The following OTUD7A variants were observed in gnomAD, a reference collection of about 807,000 sequenced individuals.
The protein encoded by OTUD7A is OTU domain-containing protein 7A.
Under a neutral mutation model 65.7 loss-of-function variants are expected in OTUD7A, and 12 were observed. The ratio of observed to expected loss-of-function variants is 0.18; its 90% CI spans 0.12 to 0.30. The LOEUF (loss-of-function observed/expected upper bound fraction) is 0.30, where lower values mean the gene tolerates loss of function less well. Among genes scored for constraint, OTUD7A ranks in the 10% least tolerant of loss-of-function variants. OTUD7A has a pLI of 1.00. For synonymous variants in OTUD7A, 641 were observed against 586.3 expected (o/e 1.09, Z -1.35); for missense variants, 1,148 against 1,304.8 (o/e 0.88, Z 1.85).
At chr15:31,646,711 G>A (rs1323791654) in intron 3 of OTUD7A, among the ~76,000 whole-genome samples, 1 of 152,062 alleles carries the variant, frequency 6.6e-6, no homozygotes, top group Non-Finnish European at 1.5e-5. Context: ...TGCCCGCCTT[G>A]GCCTCCCGAA....
At chr15:31,527,010 G>A (rs2042024126) in intron 7 of OTUD7A, among the ~76,000 whole-genome samples, 171 bp downstream of exon 7, 3 of 152,148 alleles carry the variant, frequency 2.0e-5, no homozygotes, top group Admixed American at 6.5e-5. Flanking sequence ...ATTTTAACAG[G>A]CTCCTCCTCT....
intron 1 of OTUD7A, among the ~76,000 whole-genome samples, chr15:31,707,934 A>G (rs1454681576): frequency 2.0e-5 from 3 of 152,110 alleles, no homozygotes; most frequent in South Asian, 4.1e-4. Flanking sequence ...TAAAACATAA[A>G]TATAATATAT....
Position 31,483,249 on chromosome 15 carries a change from A to G in OTUD7A, c.*45T>C. The G allele has an allele frequency of 9.4e-7, 1 of 1,064,196 alleles. No individual in the cohort carries two copies. Among genetic ancestry groups the G allele is most frequent in the Non-Finnish European group, 1.1e-6 (1 of 882,394 alleles). The allele number at this position is 1,064,196 out of a possible 1,614,324, so 65.9% of individuals were successfully genotyped here. On this transcript the variant is annotated 3_prime_UTR_variant, in exon 13 of 13. Coordinates refer to ENST00000307050, the MANE Select transcript of OTUD7A (RefSeq NM_001382637.1). ...AAAGACACCGACACAATGGAAAAGA[A>G]ATCCTCGAAGGTAGAACCTCGCCGC...
intron 1 of OTUD7A, among the ~76,000 whole-genome samples, chr15:31,815,678 G>T (rs1217649386): frequency 2.0e-5 from 3 of 152,210 alleles, no homozygotes; most frequent in Non-Finnish European, 4.4e-5. Context: ...AGTGGTGGCG[G>T]CAGGATGGAG....
At chr15:31,767,507 T>C (rs1204541794) in intron 1 of OTUD7A, 2 of 772,492 alleles carry the variant, frequency 2.6e-6, no homozygotes, top group East Asian at 4.9e-5. Flanking sequence ...CTGATTTGTT[T>C]TGTAGTATAA....
At chr15:31,790,664 T>C (rs2140936760) in intron 1 of OTUD7A, among the ~76,000 whole-genome samples, 1 of 152,314 alleles carries the variant, frequency 6.6e-6, no homozygotes, top group South Asian at 2.1e-4. Flanking sequence ...CACCCATTAA[T>C]GAGCTGCCTC....
At chr15:31,764,863 G>C (rs1215310129) in intron 1 of OTUD7A, among the ~76,000 whole-genome samples, 1 of 152,112 alleles carries the variant, frequency 6.6e-6, no homozygotes, top group East Asian at 1.9e-4. Flanking sequence ...CATCATCATA[G>C]AAGTCAGTCT....
At chr15:31,721,885 A>T (rs1295286920) in intron 1 of OTUD7A, among the ~76,000 whole-genome samples, 2 of 152,256 alleles carry the variant, frequency 1.3e-5, no homozygotes, top group Non-Finnish European at 2.9e-5. Flanking sequence ...CTCCTAGGCC[A>T]GGGACTGCAT....
At chr15:31,610,613 A>ATTTTTTTTTT (rs1228282525) in intron 3 of OTUD7A, among the ~76,000 whole-genome samples, 3 of 31,648 alleles carry the variant, frequency 9.5e-5, no homozygotes, top group African/African-American at 3.0e-4. Flanking sequence ...ATATATATAT[A>ATTTTTTTTTT]TATATTTTTT....
rs2041469014 is a variant in OTUD7A, at chr15:31,501,733, A to G, written c.1128T>C (p.Ser376=). 6.2e-7 allele frequency: 1 copy of G among 1,614,180 alleles called. No individual in the cohort carries two copies. Among genetic ancestry groups the G allele is most frequent in the East Asian group, 2.2e-5 (1 of 44,872 alleles). Residue 376 remains serine, a synonymous_variant, in exon 10 of 13, where the codon TCT becomes TCC. Transcript: ENST00000307050. ...CTCTCTGTTCCATGGACACAAGGGC[A>G]GAGAAATGGGCTTGATCATAGGCCA... ...LVLAYDQAHF[S]ALVSMEQRDQ...
At position 31,557,993 on chromosome 15, in the gene OTUD7A, G is replaced by C. The variant is rs1888554802; in HGVS notation, c.550+976C>G. ...ACTCCACAGTGGACATGAAGAGCTG[G>C]CTGAAGGCTGGGTCAGCACTGGAAG... On this transcript the variant is annotated intron_variant, in intron 5 of 12. Coordinates refer to ENST00000307050, the MANE Select transcript of OTUD7A (RefSeq NM_001382637.1). 2.0e-5 allele frequency: 3 copies of C among 152,350 alleles called. No individual in the cohort carries two copies. In the South Asian group the frequency reaches 6.2e-4, roughly 32 times the overall value. 9.4% of individuals were successfully genotyped at this position (152,350 alleles called of 1,614,324 possible). A position where few individuals can be genotyped will look rare whatever the true frequency, so the allele number is the denominator to read the frequency against.
chr15:31,621,359 C>T (rs1055763416), intron 3 of OTUD7A, among the ~76,000 whole-genome samples: 6 of 152,142 alleles, frequency 3.9e-5, no homozygotes, highest in African/African-American at 1.4e-4. Flanking sequence ...CTATCGTTGA[C>T]AGTGGGGTGT....
intron 1 of OTUD7A, among the ~76,000 whole-genome samples, chr15:31,671,017 C>A (rs1485184798): frequency 1.3e-5 from 2 of 152,124 alleles, no homozygotes; most frequent in Non-Finnish European, 2.9e-5. Flanking sequence ...AATCTTCTCC[C>A]ATTCTGTAGG....
At chr15:31,740,308 G>A (rs1894305958) in intron 1 of OTUD7A, among the ~76,000 whole-genome samples, 2 of 152,148 alleles carry the variant, frequency 1.3e-5, no homozygotes, top group African/African-American at 4.8e-5. Context: ...GAAGCCCCAG[G>A]AGACTCTCCG....
intron 3 of OTUD7A, among the ~76,000 whole-genome samples, chr15:31,637,557 TAAG>T (rs1476969432): frequency 2.0e-5 from 3 of 152,212 alleles, no homozygotes; most frequent in Non-Finnish European, 4.4e-5. Flanking sequence ...TCTTATTACT[TAAG>T]AAATACATTT....
Position 31,484,034 on chromosome 15 carries a change from C to G in OTUD7A, c.2062G>C (p.Ala688Pro). The G allele has an allele frequency of 1.6e-6, 2 of 1,257,788 alleles. No individual in the cohort carries two copies. Among genetic ancestry groups the G allele is most frequent in the Non-Finnish European group, 2.0e-6 (2 of 1,005,716 alleles). 77.9% of individuals were successfully genotyped at this position (1,257,788 alleles called of 1,614,324 possible). A position where few individuals can be genotyped will look rare whatever the true frequency, so the allele number is the denominator to read the frequency against. The change falls in exon 13 of 13, where the codon GCC becomes CCC. Residue 688 changes from alanine to proline, a missense_variant. Physicochemically the swap from Ala to Pro is conservative, Grantham distance 27. This residue lies in a region of OTUD7A where 842 missense variants were observed against 769.5 expected (regional missense o/e 1.09). Coordinates refer to ENST00000307050, the MANE Select transcript of OTUD7A (RefSeq NM_001382637.1). The surrounding 1 kb of genome is among the most constrained non-coding windows in gnomAD (Gnocchi z 4.5). The stretch of plus-strand genomic sequence containing the variant: ...GCGGCGGCGGCGGCGGCGGCAGCGG[C>G]GGCCGCAGTAGCGGCGTCGCGGCGC... ...QRRRDAATAA[A>P]AAAAAAAATA...
At chr15:31,849,985 T>C (rs1273026646) in intron 1 of OTUD7A, among the ~76,000 whole-genome samples, 1 of 152,206 alleles carries the variant, frequency 6.6e-6, no homozygotes, top group Non-Finnish European at 1.5e-5. Flanking sequence ...AGTTCAACCA[T>C]TGTGGAAGAC....
intron 5 of OTUD7A, among the ~76,000 whole-genome samples, chr15:31,555,448 CA>C (rs1888458929): frequency 6.6e-6 from 1 of 152,202 alleles, no homozygotes; most frequent in South Asian, 2.1e-4. Flanking sequence ...TAGGAAGAGG[CA>C]TTTACCCTTT....
intron 3 of OTUD7A, among the ~76,000 whole-genome samples, chr15:31,635,840 G>A (rs1192622307): frequency 6.6e-6 from 1 of 152,218 alleles, no homozygotes; most frequent in Admixed American, 6.5e-5. Context: ...TGTGGGAAGG[G>A]CACTCTCCCT....
Sources: allele counts gnomAD v4.1 joint callset (sites outside exome capture counted in the v4.1 genomes callset), GRCh38; gene constraint gnomAD v4.1.1; regional missense constraint gnomAD v4.1.1; non-coding constraint Gnocchi (gnomAD v3.1); transcripts MANE v1.5; gene names NCBI Gene and HGNC (gene_info 2026-07-23, HGNC 2026-07-21).